The following SLC35F3 variants were observed in gnomAD, a reference collection of about 807,000 sequenced individuals.
SLC35F3 encodes the protein putative thiamine transporter SLC35F3.
In SLC35F3, 25 loss-of-function variants were observed where a neutral mutation model predicts 49.9. That is an observed-to-expected ratio of 0.50 (90% CI 0.37 to 0.70). The LOEUF (loss-of-function observed/expected upper bound fraction) is 0.70. SLC35F3 is among the 30% of genes least tolerant of loss of function. The pLI is 0.00. For missense variants in SLC35F3, 525 were observed against 639.8 expected, an observed-to-expected ratio of 0.82 and a Z score of 1.94; for synonymous variants, 275 against 265.4, an observed-to-expected ratio of 1.04 and a Z score of -0.35.
intron 3 of SLC35F3, among the ~76,000 whole-genome samples, chr1:234,295,078 G>A (rs1037057504): frequency 2.6e-5 from 4 of 152,240 alleles, no homozygotes; most frequent in African/African-American, 9.6e-5. Flanking sequence ...GAGGAAGGTT[G>A]CCCATCTCAG....
chr1:234,231,127 T>A lies in SLC35F3; in HGVS notation c.284-290T>A, dbSNP rs142785246. Among the ~76,000 whole-genome samples, 8 of 152,272 alleles carry A rather than the reference T, an allele frequency of 5.3e-5. No homozygotes were observed. The highest frequency in any genetic ancestry group is 4.1e-4 in the South Asian group (2 of 4,830). On this transcript the variant is annotated intron_variant, in intron 2 of 7. Coordinates refer to ENST00000366618, the MANE Select transcript of SLC35F3 (RefSeq NM_173508.4). The surrounding 1 kb of genome is among the most constrained non-coding windows in gnomAD (Gnocchi z 5.4). ...TGATTTTGGAGTCTGGGGTGAGCCC[T>A]GAGATTCTGCATTTCCAACACGTTC... is the stretch of plus-strand genomic sequence containing the variant.
At chr1:233,971,916 A>G (rs190710422) in intron 2 of SLC35F3, among the ~76,000 whole-genome samples, 34 of 152,270 alleles carry the variant, frequency 2.2e-4, no homozygotes, top group African/African-American at 7.7e-4. Context: ...AGGGGAAGGG[A>G]CATCCCCCGC....
At chr1:234,015,346 TC>T (rs1171667162) in intron 2 of SLC35F3, among the ~76,000 whole-genome samples, 3 of 88,666 alleles carry the variant, frequency 3.4e-5, no homozygotes, top group Admixed American at 1.3e-4. Context: ...AGACTCTATA[TC>T]AAAAAAAAAA....
intron 2 of SLC35F3, chr1:234,213,158 G>A (rs1044103538): frequency 8.0e-4 from 122 of 152,308 alleles, no homozygotes; most frequent in African/African-American, 2.9e-3. Flanking sequence ...GCTGAGCTAG[G>A]AAACCCTATT....
In SLC35F3 at chr1:234,058,801, T is replaced by G. The variant is rs538516576; in HGVS notation, c.283+153043T>G. Among the ~76,000 whole-genome samples the G allele has an allele frequency of 1.6e-3, 243 of 152,046 alleles. 2 individuals carry two copies. Among genetic ancestry groups the G allele is most frequent in the African/African-American group, 5.3e-3 (220 of 41,320 alleles). On this transcript the variant is annotated intron_variant, in intron 2 of 7. Transcript: ENST00000366618. ...ATTTGAGAAGTGTTCCTCATTTTTT[T>G]GGGTTTTTTTTGGTTTATTGTTTGT...
At chr1:234,140,002 A>AATAAAAAATAAT in intron 2 of SLC35F3, among the ~76,000 whole-genome samples, 3 of 105,366 alleles carry the variant, frequency 2.8e-5, no homozygotes, top group South Asian at 2.6e-4. Context: ...AATAAAATAA[A>AATAAAAAATAAT]GTAAGTGACT....
At chr1:233,920,265 G>A (rs1662037929) in intron 2 of SLC35F3, among the ~76,000 whole-genome samples, 1 of 152,206 alleles carries the variant, frequency 6.6e-6, no homozygotes, top group East Asian at 1.9e-4. Context: ...GAACAAGTAT[G>A]CATTATTCTG....
chr1:234,211,598 T>C (rs867615221), intron 2 of SLC35F3, among the ~76,000 whole-genome samples: 10 of 152,234 alleles, frequency 6.6e-5, no homozygotes, highest in Non-Finnish European at 1.0e-4. Flanking sequence ...ATTTTGGACT[T>C]GCATGAGGCC....
In SLC35F3 at chr1:234,238,617, C is replaced by T. The variant is rs530402554; in HGVS notation, c.608+6876C>T. Among the ~76,000 whole-genome samples, 7 of 152,158 alleles carry T rather than the reference C, an allele frequency of 4.6e-5. No homozygotes were observed. In the East Asian group the frequency reaches 1.4e-3, roughly 29 times the overall value. ...TCATTTATTTTTCCTCTGGCATCTC[C>T]CCCCACCCCACCACCACATCTCAGT... On this transcript the variant is annotated intron_variant, in intron 3 of 7. Transcript: ENST00000366618.
rs112659502 is a variant in SLC35F3 at position 233,982,820 on chromosome 1, G to A, written c.283+77062G>A. ...TTTATTCTCTGATCGGGAGGGAGACGTTAACAACTACCCTGTTAGAAATTT... is the reference window on the plus strand; with the variant it reads ...TTTATTCTCTGATCGGGAGGGAGACATTAACAACTACCCTGTTAGAAATTT... On this transcript the variant is annotated intron_variant, in intron 2 of 7. Transcript: ENST00000366618. 5.4e-3 allele frequency among the ~76,000 whole-genome samples: 819 copies of A among 152,288 alleles called. 6 individuals are homozygous for A. Among genetic ancestry groups the A allele is most frequent in the South Asian group, 0.041 (197 of 4,812 alleles).
chr1:234,240,333 G>A (rs1043678441), intron 3 of SLC35F3, among the ~76,000 whole-genome samples: 2 of 152,104 alleles, frequency 1.3e-5, no homozygotes, highest in Non-Finnish European at 2.9e-5. Flanking sequence ...AGCTGGACGT[G>A]GTGGCATATG....
intron 2 of SLC35F3, among the ~76,000 whole-genome samples, chr1:234,205,316 G>A (rs192024138): frequency 3.7e-4 from 56 of 152,260 alleles, no homozygotes; most frequent in South Asian, 8.3e-4. Flanking sequence ...GAAACATAGC[G>A]CCAGGAACAG....
chr1:234,111,392 A>G lies in SLC35F3; in HGVS notation c.284-120025A>G, dbSNP rs1968766. 5.4e-3 allele frequency among the ~76,000 whole-genome samples: 829 copies of G among 152,216 alleles called. 11 individuals carry two copies. Among genetic ancestry groups the G allele is most frequent in the African/African-American group, 0.019 (796 of 41,538 alleles). On this transcript the variant is annotated intron_variant, in intron 2 of 7. Coordinates refer to ENST00000366618, the MANE Select transcript of SLC35F3 (RefSeq NM_173508.4). Reference sequence around the variant, plus strand: ...CTGCAACCTCCACCTCCCAGGTCCAAGCGATTCTCCTGCCTCAGCCTCCTG... The same window carrying G: ...CTGCAACCTCCACCTCCCAGGTCCAGGCGATTCTCCTGCCTCAGCCTCCTG...
At chr1:234,249,640 T>C (rs1667704931) in intron 3 of SLC35F3, among the ~76,000 whole-genome samples, 1 of 152,202 alleles carries the variant, frequency 6.6e-6, no homozygotes, top group Non-Finnish European at 1.5e-5. Flanking sequence ...CGTTTTTATT[T>C]TGTTGCAAGT....
At chr1:234,148,359 T>C (rs1666026558) in intron 2 of SLC35F3, among the ~76,000 whole-genome samples, 1 of 152,238 alleles carries the variant, frequency 6.6e-6, no homozygotes, top group Non-Finnish European at 1.5e-5. Flanking sequence ...TTCTTTACCT[T>C]TATTCTTCCA....
chr1:234,277,161 T>C (rs1668225519), intron 3 of SLC35F3, among the ~76,000 whole-genome samples: 1 of 152,184 alleles, frequency 6.6e-6, no homozygotes, highest in African/African-American at 2.4e-5. Context: ...TCATCCACAG[T>C]CCAATGAGAG....
intron 2 of SLC35F3, among the ~76,000 whole-genome samples, chr1:234,223,249 G>A (rs1465684298): frequency 2.0e-5 from 3 of 152,170 alleles, no homozygotes; most frequent in Non-Finnish European, 2.9e-5. Context: ...AGGTAGAAAT[G>A]CCGATTTAGG....
intron 2 of SLC35F3, among the ~76,000 whole-genome samples, chr1:234,164,294 C>T (rs1456445325): frequency 2.0e-5 from 3 of 151,396 alleles, no homozygotes; most frequent in African/African-American, 7.3e-5. Context: ...CTCTCTCCCT[C>T]TTTCTCTTTC....
At chr1:234,111,761 T>C (rs1238068536) in intron 2 of SLC35F3, among the ~76,000 whole-genome samples, 2 of 152,168 alleles carry the variant, frequency 1.3e-5, no homozygotes, top group African/African-American at 4.8e-5. Context: ...GACAGCGGCC[T>C]CAGAGCTCAG....
Sources: gnomAD v4.1 joint callset for allele counts (sites outside exome capture counted in the v4.1 genomes callset) on GRCh38, gnomAD v4.1.1 for gene constraint, Gnocchi (gnomAD v3.1) non-coding constraint, MANE v1.5 for transcripts, NCBI Gene and HGNC (gene_info 2026-07-23, HGNC 2026-07-21) for gene names.